FAM227B: variants seen among roughly 807,000 people sequenced by gnomAD.
The protein encoded by FAM227B is protein FAM227B.
A neutral mutation model predicts 73.8 loss-of-function variants in FAM227B; 88 were observed. The observed-to-expected ratio is 1.19, with a 90% CI of 1.00 to 1.42. The LOEUF is 1.42. Ranked by LOEUF, FAM227B falls within the 40% of genes most tolerant of loss-of-function variation. The pLI, the probability that FAM227B is intolerant of heterozygous loss-of-function variation, is 0.00. For missense variants in FAM227B, 632 were observed against 590.9 expected (o/e 1.07, Z -0.72); for synonymous variants, 210 against 190.5 (o/e 1.10, Z -0.84).
intron 11 of FAM227B, among the ~76,000 whole-genome samples, chr15:49,413,099 A>C (rs2048976437): frequency 6.6e-6 from 1 of 152,018 alleles, no homozygotes; most frequent in Admixed American, 6.6e-5. Context: ...TCTTACATTG[A>C]ATAAGGCTTT....
At position 49,468,461 on chromosome 15, in the gene FAM227B, G is replaced by A. The variant is rs1006863729; in HGVS notation, c.1012+39750C>T. 2.0e-5 allele frequency among the ~76,000 whole-genome samples: 3 copies of A among 152,140 alleles called. 1 individual carries two copies. The highest frequency in any genetic ancestry group is 4.4e-5 in the Non-Finnish European group (3 of 68,020). On this transcript the variant is annotated intron_variant, in intron 11 of 15. Transcript: ENST00000299338. ...TTCTTTTAGTGTATTCCAAGGTTCT[G>A]ACTTAAATCTGTTATTTAACAGCTA...
At chr15:49,380,877 T>G (rs2046485897) in intron 11 of FAM227B, among the ~76,000 whole-genome samples, 1 of 152,140 alleles carries the variant, frequency 6.6e-6, no homozygotes, top group Non-Finnish European at 1.5e-5. Context: ...TGCATTGCTG[T>G]AAAGAAACAC....
intron 11 of FAM227B, among the ~76,000 whole-genome samples, chr15:49,383,409 G>C (rs1225382651): frequency 6.6e-6 from 1 of 151,956 alleles, no homozygotes; most frequent in African/African-American, 2.4e-5. Flanking sequence ...ATTAAGGTAT[G>C]CACTTTTTAT....
At chr15:49,497,120 T>C (rs964027020) in intron 11 of FAM227B, among the ~76,000 whole-genome samples, 5 of 152,296 alleles carry the variant, frequency 3.3e-5, no homozygotes, top group Non-Finnish European at 7.4e-5. Flanking sequence ...TATAGAAATA[T>C]TCTACTCACC....
At chr15:49,392,363 A>G (rs2047268701) in intron 11 of FAM227B, among the ~76,000 whole-genome samples, 1 of 152,170 alleles carries the variant, frequency 6.6e-6, no homozygotes, top group South Asian at 2.1e-4. Flanking sequence ...ACTATACTAC[A>G]GTGGAATGTG....
intron 11 of FAM227B, among the ~76,000 whole-genome samples, chr15:49,479,615 TTTTTTTTTTTTTTG>T: frequency 1.5e-5 from 2 of 137,290 alleles, no homozygotes; most frequent in Non-Finnish European, 1.6e-5. Context: ...TTTTTTTTTT[TTTTTTTTTTTTTTG>T]TGAAATGGAG....
intron 10 of FAM227B, among the ~76,000 whole-genome samples, chr15:49,537,422 T>A (rs72729172): frequency 0.053 from 7,999 of 152,186 alleles, 363 homozygotes; most frequent in East Asian, 0.23. Context: ...TTAAAAAAAT[T>A]GGTAAGGGTG....
intron 11 of FAM227B, among the ~76,000 whole-genome samples, chr15:49,381,117 G>C (rs927978155): frequency 1.3e-5 from 2 of 152,084 alleles, no homozygotes; most frequent in Non-Finnish European, 2.9e-5. Flanking sequence ...GATCTCACAG[G>C]AACTCAGAGC....
intron 11 of FAM227B, among the ~76,000 whole-genome samples, chr15:49,498,994 G>A (rs978154084): frequency 3.3e-5 from 5 of 151,002 alleles, no homozygotes; most frequent in Admixed American, 6.6e-5. Flanking sequence ...GTGAAACCCC[G>A]TCTCTACTAA....
At chr15:49,364,292 C>T (rs566272728) in intron 13 of FAM227B, among the ~76,000 whole-genome samples, 113 of 152,216 alleles carry the variant, frequency 7.4e-4, no homozygotes, top group African/African-American at 2.6e-3. Context: ...AATTTCAGAA[C>T]TTGTTATTGG....
Position 49,589,699 on chromosome 15 carries a change from G to A in FAM227B, c.337+77C>T, listed in dbSNP as rs370710566. ...AGGGTGACTCAGGAGGATCACTTGAGGCCAAGATTTGGAGACCAGCCTGGG... is the reference window on the plus strand; with the variant it reads ...AGGGTGACTCAGGAGGATCACTTGAAGCCAAGATTTGGAGACCAGCCTGGG... On this transcript the variant is annotated intron_variant, in intron 4 of 15. Coordinates refer to ENST00000299338, the MANE Select transcript of FAM227B (RefSeq NM_152647.3). 727 of 908,304 alleles carry A rather than the reference G, an allele frequency of 8.0e-4. 4 individuals are homozygous for A. In the African/African-American group the frequency reaches 0.011, roughly 14 times the overall value. The allele number at this position is 908,304 out of a possible 1,614,324, so 56.3% of individuals were successfully genotyped here. A position where few individuals can be genotyped will look rare whatever the true frequency, so the allele number is the denominator to read the frequency against.
At chr15:49,366,503 G>T in intron 13 of FAM227B, 1 of 1,284,366 alleles carries the variant, frequency 7.8e-7, no homozygotes, top group African/African-American at 1.5e-5. Flanking sequence ...CAAACTAATG[G>T]AAGTTGCATT....
Position 49,328,612 on chromosome 15 carries a change from G to C in FAM227B, c.1483C>G (p.Pro495Ala). The C allele has an allele frequency of 1.3e-6, 2 of 1,590,932 alleles. No individual in the cohort carries two copies. The highest frequency in any genetic ancestry group is 1.7e-6 in the Non-Finnish European group (2 of 1,165,212). Residue 495 changes from proline to alanine, a missense_variant, in exon 16 of 16, where the codon CCA (proline) becomes GCA (alanine). Transcript: ENST00000299338. ...AAGTTGTAGTTGTCTGTTGATGATGGTGATGATGATGATGATGACGATAGT... is the reference window on the plus strand; with the variant it reads ...AAGTTGTAGTTGTCTGTTGATGATGCTGATGATGATGATGATGACGATAGT... ...ASLSSSSSSS[P>A]SSTDNYNFEE...
chr15:49,403,942 G>T (rs2048346400), intron 11 of FAM227B, among the ~76,000 whole-genome samples: 1 of 152,118 alleles, frequency 6.6e-6, no homozygotes, highest in Non-Finnish European at 1.5e-5. Flanking sequence ...GTGTCCCAGA[G>T]ATTCTGGTAT....
At position 49,489,372 on chromosome 15, in the gene FAM227B, G is replaced by A. The variant is rs1488285354; in HGVS notation, c.1012+18839C>T. 2.0e-5 allele frequency: 20 copies of A among 984,482 alleles called. No homozygotes were observed. In the East Asian group the frequency reaches 1.8e-3, roughly 90 times the overall value. 61.0% of individuals were successfully genotyped at this position (984,482 alleles called of 1,614,324 possible). On this transcript the variant is annotated intron_variant, in intron 11 of 15. Coordinates refer to ENST00000299338, the MANE Select transcript of FAM227B (RefSeq NM_152647.3). ...GAAACATTCTTGATTCTTCCTTGAGGGATACTGCGTGGTCCATTCCTACAA... is the reference window on the plus strand; with the variant it reads ...GAAACATTCTTGATTCTTCCTTGAGAGATACTGCGTGGTCCATTCCTACAA...
intron 11 of FAM227B, among the ~76,000 whole-genome samples, chr15:49,492,891 G>T (rs1567391897): frequency 6.6e-6 from 1 of 151,816 alleles, no homozygotes; most frequent in Non-Finnish European, 1.5e-5. Flanking sequence ...AAATAGCATG[G>T]TCTTCTACAT....
chr15:49,447,895 A>G (rs2052373580), intron 11 of FAM227B, among the ~76,000 whole-genome samples: 1 of 151,706 alleles, frequency 6.6e-6, no homozygotes, highest in South Asian at 2.1e-4. Flanking sequence ...CATGCCAATT[A>G]ATATAAGGTA....
intron 13 of FAM227B, among the ~76,000 whole-genome samples, chr15:49,361,178 C>T (rs568257638): frequency 6.6e-6 from 1 of 151,970 alleles, no homozygotes; most frequent in Middle Eastern, 3.2e-3. Flanking sequence ...TAAATATATA[C>T]AATTATAATT....
At chr15:49,570,281 C>T (rs1335944255) in intron 8 of FAM227B, among the ~76,000 whole-genome samples, 3 of 151,862 alleles carry the variant, frequency 2.0e-5, no homozygotes, top group African/African-American at 7.2e-5. Context: ...CATAACCTCA[C>T]CAAAACTTGT....
Sources: allele counts gnomAD v4.1 joint callset (sites outside exome capture counted in the v4.1 genomes callset), GRCh38; gene constraint gnomAD v4.1.1; transcripts MANE v1.5; gene names NCBI Gene and HGNC (gene_info 2026-07-23, HGNC 2026-07-21).